DAB1: variants seen among roughly 807,000 people sequenced by gnomAD.
DAB1 encodes DAB adaptor protein 1, also known as disabled homolog 1.
A neutral mutation model predicts 64.6 loss-of-function variants in DAB1; 15 were observed. That is an observed-to-expected ratio of 0.23 (90% CI 0.16 to 0.36). The LOEUF (loss-of-function observed/expected upper bound fraction) is 0.36, where lower values mean the gene tolerates loss of function less well. DAB1 is among the 10% of genes least tolerant of loss of function. The pLI is 1.00. For missense variants in DAB1, 596 were observed against 706.7 expected (o/e 0.84, Z 1.78); for synonymous variants, 235 against 251.9 (o/e 0.93, Z 0.64).
chr1:57,638,108 A>G (rs1010044696), intron 7 of DAB1, among the ~76,000 whole-genome samples: 29 of 152,224 alleles, frequency 1.9e-4, no homozygotes, highest in Admixed American at 1.8e-3. Flanking sequence ...GAAAAAATAA[A>G]TATACCCAAA....
At chr1:57,439,993 C>G (rs1685879482) in intron 7 of DAB1, among the ~76,000 whole-genome samples, 5 of 152,096 alleles carry the variant, frequency 3.3e-5, no homozygotes, top group Admixed American at 3.3e-4. Context: ...TTATATGCCC[C>G]TGATAATACC....
intron 6 of DAB1, among the ~76,000 whole-genome samples, chr1:57,803,146 T>C (rs186017535): frequency 9.2e-5 from 14 of 152,182 alleles, no homozygotes; most frequent in Non-Finnish European, 1.5e-4. Flanking sequence ...CAAAATGAAA[T>C]TGATGGAAAA....
chr1:57,003,530 G>T (rs1428880149), intron 14 of DAB1, among the ~76,000 whole-genome samples: 1 of 151,772 alleles, frequency 6.6e-6, no homozygotes, highest in African/African-American at 2.4e-5. Flanking sequence ...TTTATTTGTG[G>T]TGAAACATAA....
chr1:58,041,277 TA>T (rs1362885859), intron 5 of DAB1, among the ~76,000 whole-genome samples: 2 of 152,184 alleles, frequency 1.3e-5, no homozygotes, highest in African/African-American at 4.8e-5. Context: ...ACGATTGGCT[TA>T]CTTGTCTCTC....
chr1:57,110,810 A>G (rs1446739497), intron 4 of DAB1, among the ~76,000 whole-genome samples: 1 of 152,172 alleles, frequency 6.6e-6, no homozygotes, highest in Non-Finnish European at 1.5e-5. Flanking sequence ...TACAGGCACT[A>G]TAGCTATGCC....
chr1:57,603,860 T>C (rs1645604094), intron 7 of DAB1, among the ~76,000 whole-genome samples: 1 of 152,214 alleles, frequency 6.6e-6, no homozygotes, highest in South Asian at 2.1e-4. Flanking sequence ...GCTATTCGCC[T>C]CCTGCTTCTG....
At chr1:58,482,343 T>C (rs1224186399) in intron 3 of DAB1, among the ~76,000 whole-genome samples, 1 of 152,194 alleles carries the variant, frequency 6.6e-6, no homozygotes, top group Non-Finnish European at 1.5e-5. Context: ...GAATTGGAAA[T>C]AGTTACCCCT....
At chr1:57,450,026 T>C (rs1184664439) in intron 7 of DAB1, among the ~76,000 whole-genome samples, 2 of 152,180 alleles carry the variant, frequency 1.3e-5, no homozygotes, top group African/African-American at 2.4e-5. Context: ...TATATTAGGC[T>C]CATAGATGTA....
chr1:58,158,011 T>C (rs1340105638), intron 4 of DAB1, among the ~76,000 whole-genome samples: 1 of 152,174 alleles, frequency 6.6e-6, no homozygotes, highest in Non-Finnish European at 1.5e-5. Context: ...GGAAAGTTAC[T>C]TAGGGAAAAC....
chr1:57,510,957 T>C (rs536854343), intron 7 of DAB1, among the ~76,000 whole-genome samples: 1 of 152,294 alleles, frequency 6.6e-6, no homozygotes, highest in Admixed American at 6.5e-5. Context: ...ATCTCCACTT[T>C]AACTTCATTA....
chr1:58,277,817 C>T (rs556747414), intron 4 of DAB1, among the ~76,000 whole-genome samples: 1 of 152,312 alleles, frequency 6.6e-6, no homozygotes, highest in African/African-American at 2.4e-5. Flanking sequence ...GTTTTTCTGT[C>T]CTGTGAGCCG....
At chr1:58,207,519 C>T (rs898077565) in intron 4 of DAB1, among the ~76,000 whole-genome samples, 3 of 152,204 alleles carry the variant, frequency 2.0e-5, no homozygotes, top group Non-Finnish European at 4.4e-5. Context: ...GCCTAGAAGT[C>T]AGAGTCCCTA....
chr1:58,175,034 C>T (rs1473329819), intron 4 of DAB1, among the ~76,000 whole-genome samples: 1 of 152,222 alleles, frequency 6.6e-6, no homozygotes, highest in African/African-American at 2.4e-5. Flanking sequence ...AAAAGCTGGC[C>T]ACCTGAGCCA....
At chr1:57,690,844 A>G (rs1455000295) in intron 6 of DAB1, among the ~76,000 whole-genome samples, 1 of 152,168 alleles carries the variant, frequency 6.6e-6, no homozygotes, top group Non-Finnish European at 1.5e-5. Context: ...CATTTTTAAC[A>G]GGGATAAGAA....
intron 5 of DAB1, among the ~76,000 whole-genome samples, chr1:57,937,581 G>A (rs183106661): frequency 6.6e-6 from 1 of 152,262 alleles, no homozygotes; most frequent in Admixed American, 6.5e-5. Flanking sequence ...AAGTGGTCTG[G>A]AGACAGTCTA....
chr1:57,330,738 C>G (rs1029248838), intron 1 of DAB1, among the ~76,000 whole-genome samples: 2 of 152,238 alleles, frequency 1.3e-5, no homozygotes, highest in South Asian at 2.1e-4. Context: ...AGGAGGCACT[C>G]AGGAAATCTT....
intron 5 of DAB1, among the ~76,000 whole-genome samples, chr1:57,966,391 C>T (rs1014029741): frequency 2.0e-5 from 3 of 152,076 alleles, no homozygotes; most frequent in South Asian, 2.1e-4. Context: ...TGTAAAGAAG[C>T]TGGCGCAACC....
intron 3 of DAB1, among the ~76,000 whole-genome samples, chr1:58,416,450 G>C (rs919804125): frequency 1.3e-5 from 2 of 152,106 alleles, no homozygotes; most frequent in African/African-American, 4.8e-5. Context: ...ATGAGATATG[G>C]GATGTGATAA....
intron 4 of DAB1, among the ~76,000 whole-genome samples, chr1:58,296,195 G>GAAAGAAAGAA (rs1294006778): frequency 6.4e-5 from 6 of 93,508 alleles, no homozygotes; most frequent in Non-Finnish European, 6.6e-5. Context: ...GAGAAAGAAA[G>GAAAGAAAGAA]AGAAAGAAAG....
Sources: allele counts gnomAD v4.1 joint callset (sites outside exome capture counted in the v4.1 genomes callset), GRCh38; gene constraint gnomAD v4.1.1; transcripts MANE v1.5; gene names NCBI Gene and HGNC (gene_info 2026-07-23, HGNC 2026-07-21).